The following DIDO1 variants were observed in gnomAD, a reference collection of about 807,000 sequenced individuals.
DIDO1 encodes the protein death-inducer obliterator 1.
Under a neutral mutation model 99.4 loss-of-function variants are expected in DIDO1, and 16 were observed. The ratio of observed to expected loss-of-function variants is 0.16; its 90% CI spans 0.11 to 0.24. DIDO1 has a LOEUF of 0.24. Among genes scored for constraint, DIDO1 ranks in the 10% least tolerant of loss-of-function variants. The pLI is 1.00. For missense variants in DIDO1, 2,996 were observed against 3,014.0 expected (o/e 0.99, Z 0.14); for synonymous variants, 1,366 against 1,239.1 (o/e 1.10, Z -2.15).
At chr20:62,884,690 G>C (rs559712300) in intron 15 of DIDO1, among the ~76,000 whole-genome samples, 273 of 152,348 alleles carry the variant, frequency 1.8e-3, no homozygotes, top group African/African-American at 6.3e-3. Context: ...CTGCCAGACT[G>C]AGTTGGGACC....
rs1364512764 is a variant in DIDO1 at position 62,910,793 on chromosome 20, G to A, written c.820C>T (p.Arg274Cys). 9.3e-6 allele frequency: 15 copies of A among 1,611,344 alleles called. No homozygotes were observed. Among genetic ancestry groups the A allele is most frequent in the South Asian group, 2.2e-5 (2 of 91,050 alleles). Residue 274 changes from arginine to cysteine, a missense_variant, in exon 3 of 16, where the codon CGC becomes TGC. Physicochemically the swap from Arg to Cys is radical, Grantham distance 180 (BLOSUM62 -3). This residue lies in a region of DIDO1 where 13 missense variants were observed against 49.9 expected (regional missense o/e 0.26). Coordinates refer to ENST00000395343, the MANE Select transcript of DIDO1 (RefSeq NM_001193369.2). ...ACCCACCTGTTGTTGTGAGGCTGGC[G>A]GCAAATGCAATACAGGGCGTTGGGG... is the stretch of plus-strand genomic sequence containing the variant. ...YDPNALYCIC[R>C]QPHNNRFMIC... is the part of the protein sequence containing the mutation.
At chr20:62,885,051 C>A (rs145124775) in intron 15 of DIDO1, among the ~76,000 whole-genome samples, 265 of 152,352 alleles carry the variant, frequency 1.7e-3, no homozygotes, top group Middle Eastern at 0.017. Context: ...TTACTCAAAT[C>A]CACTTTTCGG....
At chr20:62,890,925 T>C (rs948394220) in intron 15 of DIDO1, 35 bp downstream of exon 15, 2 of 1,612,450 alleles carry the variant, frequency 1.2e-6, no homozygotes, top group African/African-American at 2.7e-5. Flanking sequence ...CAGGTGCAGG[T>C]GGGCCTCACC....
chr20:62,920,897 TTTTAC>T (rs778306319), intron 1 of DIDO1, among the ~76,000 whole-genome samples: 12 of 152,190 alleles, frequency 7.9e-5, no homozygotes, highest in Non-Finnish European at 1.8e-4. Context: ...TGGTTTACAA[TTTTAC>T]TTTATTTATT....
At position 62,904,780 on chromosome 20, in the gene DIDO1, CAAAAAAAAAAA is replaced by C. The variant is rs58039393; in HGVS notation, c.1588+1096_1588+1106del. 1.9e-3 allele frequency among the ~76,000 whole-genome samples: 118 copies of C among 62,618 alleles called. 5 individuals are homozygous for C. The South Asian group carries it at 0.047, about 25-fold the overall frequency. 41.1% of individuals were successfully genotyped at this position (62,618 alleles called of 152,430 possible). A position where few individuals can be genotyped will look rare whatever the true frequency, so the allele number is the denominator to read the frequency against. On this transcript the variant is annotated intron_variant, in intron 6 of 15. Transcript: ENST00000395343. ...GGGTGACAGAGCAAGACTCTTGTCT[CAAAAAAAAAAA>C]AAAAAAAAAAAAAAAAGTGTCTTTT...
chr20:62,880,672 C>A lies in DIDO1; in HGVS notation c.5284G>T (p.Gly1762Trp), dbSNP rs2064184900. 1 of 1,612,796 alleles carries A rather than the reference C, an allele frequency of 6.2e-7. No individual in the cohort carries two copies. The highest frequency in any genetic ancestry group is 8.5e-7 in the Non-Finnish European group (1 of 1,179,952). The change falls in exon 16 of 16, where the codon GGG (glycine) becomes TGG (tryptophan). Residue 1762 changes from glycine to tryptophan, a missense_variant. Physicochemically the swap from Gly to Trp is radical, Grantham distance 184. Around this residue, in one of 5 missense-constraint regions of DIDO1, gnomAD observed 1,562 missense variants for 1,412.6 expected, o/e 1.11. Coordinates refer to ENST00000395343, the MANE Select transcript of DIDO1 (RefSeq NM_001193369.2). ...GQREPGPHAL[G>W]MSGLHGPNFP... is the part of the protein sequence containing the mutation. ...TTGGGGCCGTGAAGCCCTGACATCC[C>A]CAAAGCATGAGGTCCAGGTTCCCGC... is the stretch of plus-strand genomic sequence containing the variant.
intron 8 of DIDO1, among the ~76,000 whole-genome samples, chr20:62,895,991 A>C (rs914141079): frequency 6.6e-6 from 1 of 152,204 alleles, no homozygotes; most frequent in Non-Finnish European, 1.5e-5. Context: ...TGTGGTGATA[A>C]AAGGTGGACT....
rs1267463648 is a variant in DIDO1, at chr20:62,882,308, G to A, written c.3648C>T (p.Thr1216=). The A allele has an allele frequency of 3.7e-6, 6 of 1,613,858 alleles. No homozygotes were observed. The highest frequency in any genetic ancestry group is 5.1e-6 in the Non-Finnish European group (6 of 1,180,012). Residue 1216 remains threonine, a synonymous_variant, in exon 16 of 16, where the codon ACC becomes ACT. Coordinates refer to ENST00000395343, the MANE Select transcript of DIDO1 (RefSeq NM_001193369.2). The stretch of plus-strand genomic sequence containing the variant: ...CGTCCGCTTCTTCCGGTTGAAGTCG[G>A]GTCCGCTTTTCGTCCATCTTGTCTA... ...GELDKMDEKR[T]RLQPEEADVP... is the part of the protein sequence containing the mutation.
chr20:62,910,032 AAAT>A lies in DIDO1; in HGVS notation c.840-15_840-13del, dbSNP rs779131707. Reference sequence around the variant, plus strand: ...AGCAAATCATAAACCTGAAATTATAAAATAACGGTATTAGCAATGGGACGTGAG... The same window carrying A: ...AGCAAATCATAAACCTGAAATTATAAAACGGTATTAGCAATGGGACGTGAG... On this transcript the variant is annotated splice_polypyrimidine_tract_variant and intron_variant, in intron 3 of 15. Coordinates refer to ENST00000395343, the MANE Select transcript of DIDO1 (RefSeq NM_001193369.2). The A allele has an allele frequency of 6.3e-7, 1 of 1,598,278 alleles. No individual in the cohort carries two copies. The highest frequency in any genetic ancestry group is 1.1e-5 in the South Asian group (1 of 90,990).
rs2064477800 is a variant in DIDO1 at position 62,894,710 on chromosome 20, G to T, written c.2436+100C>A. 8 of 1,416,146 alleles carry T rather than the reference G, an allele frequency of 5.6e-6. No individual in the cohort carries two copies. In the South Asian group the frequency reaches 7.7e-5, roughly 14 times the overall value. 87.7% of individuals were successfully genotyped at this position (1,416,146 alleles called of 1,614,324 possible). A position where few individuals can be genotyped will look rare whatever the true frequency, so the allele number is the denominator to read the frequency against. On this transcript the variant is annotated intron_variant, in intron 10 of 15. Transcript: ENST00000395343. This position sits in a 1 kb window ranked among gnomAD's most constrained non-coding sequence, Gnocchi z 4.4. ...AGGAATGCCACAATGACATACACCT[G>T]CTGTAAGCTCAGGTCCTGCCCAATA...
At position 62,907,231 on chromosome 20, in the gene DIDO1, G is replaced by A. The variant is rs752170122; in HGVS notation, c.1290C>T (p.Ser430=). ...KHAAATMKFL[S]SGKEQKPKPK... is the part of the protein sequence containing the mutation. ...GCTTTGGCTTCTGTTCTTTACCTGA[G>A]CTTAGAAACTTCATTGTCGCTGCGG... Residue 430 remains serine, a synonymous_variant, in exon 5 of 16, where the codon AGC becomes AGT. Transcript: ENST00000395343. 10 of 1,614,224 alleles carry A rather than the reference G, an allele frequency of 6.2e-6. No individual in the cohort carries two copies. The East Asian group carries it at 2.2e-4, about 36-fold the overall frequency.
rs369871111 is a variant in DIDO1, at chr20:62,879,470, C to T, written c.6486G>A (p.Glu2162=). The T allele has an allele frequency of 1.4e-5, 22 of 1,574,024 alleles. No individual in the cohort carries two copies. In the African/African-American group the frequency reaches 2.9e-4, roughly 20 times the overall value. The change falls in exon 16 of 16, where the codon GAG becomes GAA. Residue 2162 remains glutamate (E), a synonymous_variant. Transcript: ENST00000395343. The surrounding 1 kb of genome is among the most constrained non-coding windows in gnomAD (Gnocchi z 6.3). ...ERSANRDRER[E]ADRGKEWDRS... is the part of the protein sequence containing the mutation. ...GGTCCCACTCCTTGCCCCGGTCGGC[C>T]TCGCGCTCTCGGTCGCGGTTGGCGC...
At chr20:62,905,606 G>C (rs918192273) in intron 6 of DIDO1, 7 of 1,551,918 alleles carry the variant, frequency 4.5e-6, no homozygotes, top group Non-Finnish European at 6.1e-6. Flanking sequence ...CAGAGCCTGA[G>C]AGTGAAAACA....
intron 15 of DIDO1, chr20:62,887,235 G>T (rs1299703270): frequency 1.0e-6 from 1 of 985,350 alleles, no homozygotes; most frequent in African/African-American, 1.7e-5. Flanking sequence ...GATGTTTATT[G>T]ATTTAGGAGG....
At position 62,891,685 on chromosome 20, in the gene DIDO1, T is replaced by G. The variant is rs1009898881; in HGVS notation, c.3345+302A>C. Reference sequence around the variant, plus strand: ...TTTCTTCCTAAAATTTAACCGCACATACATTATAATAAATCAGAAACAAAC... The same window carrying G: ...TTTCTTCCTAAAATTTAACCGCACAGACATTATAATAAATCAGAAACAAAC... On this transcript the variant is annotated intron_variant, in intron 14 of 15. Coordinates refer to ENST00000395343, the MANE Select transcript of DIDO1 (RefSeq NM_001193369.2). Among the ~76,000 whole-genome samples the G allele has an allele frequency of 2.0e-5, 3 of 151,920 alleles. No individual in the cohort carries two copies. The South Asian group carries it at 6.2e-4, about 32-fold the overall frequency.
rs1279695803 is a variant in DIDO1 at position 62,879,949 on chromosome 20, C to G, written c.6007G>C (p.Glu2003Gln). Residue 2003 changes from glutamate to glutamine, a missense_variant, in exon 16 of 16, where the codon GAG becomes CAG. Glu to Gln is a conservative substitution (Grantham distance 29, BLOSUM62 2). Coordinates refer to ENST00000395343, the MANE Select transcript of DIDO1 (RefSeq NM_001193369.2). This position sits in a 1 kb window ranked among gnomAD's most constrained non-coding sequence, Gnocchi z 6.3. Reference protein sequence around the residue: ...RGSAPFSEKNEQTPSRFHFQG... With the variant: ...RGSAPFSEKNQQTPSRFHFQG... Reference sequence around the variant, plus strand: ...AAGTGAAATCGCGAAGGGGTCTGCTCATTTTTTTCAGAAAAGGGTGCGGAC... The same window carrying G: ...AAGTGAAATCGCGAAGGGGTCTGCTGATTTTTTTCAGAAAAGGGTGCGGAC... The G allele has an allele frequency of 1.2e-6, 2 of 1,605,424 alleles. No homozygotes were observed. Among genetic ancestry groups the G allele is most frequent in the Non-Finnish European group, 1.7e-6 (2 of 1,177,412 alleles).
In DIDO1 at chr20:62,893,856, C is replaced by A. The variant is rs200551983; in HGVS notation, c.2911G>T (p.Ala971Ser). 112 of 1,613,624 alleles carry A rather than the reference C, an allele frequency of 6.9e-5. No individual in the cohort carries two copies. The highest frequency in any genetic ancestry group is 8.1e-5 in the Non-Finnish European group (95 of 1,179,920). Residue 971 changes from alanine to serine, a missense_variant, in exon 12 of 16, where the codon GCT (alanine) becomes TCT (serine). Ala to Ser is a moderately conservative substitution (Grantham distance 99). Transcript: ENST00000395343. ...ACGGCTGTGCATGAACTGCTTGGAG[C>A]GGTCCTGGGGTCCCGGCCGGACACT... Reference protein sequence around the residue: ...VTVSGRDPRTAPSSSCTAVAS... With the variant: ...VTVSGRDPRTSPSSSCTAVAS...
intron 6 of DIDO1, among the ~76,000 whole-genome samples, chr20:62,898,234 T>C (rs2064581329): frequency 6.6e-6 from 1 of 152,192 alleles, no homozygotes; most frequent in Admixed American, 6.5e-5. Flanking sequence ...AAATAAGGCC[T>C]GATTCAACAG....
rs377614435 is a variant in DIDO1, at chr20:62,881,539, C to G, written c.4417G>C (p.Val1473Leu). Reference protein sequence around the residue: ...PVAGAATPSLVEQQKMLEELN... With the variant: ...PVAGAATPSLLEQQKMLEELN... Reference sequence around the variant, plus strand: ...TCTTCTAGCATCTTCTGTTGCTCCACCAGGGAGGGCGTCGCAGCCCCGGCC... The same window carrying G: ...TCTTCTAGCATCTTCTGTTGCTCCAGCAGGGAGGGCGTCGCAGCCCCGGCC... Residue 1473 changes from valine to leucine, a missense_variant, in exon 16 of 16, where the codon GTG becomes CTG. Physicochemically the swap from Val to Leu is conservative, Grantham distance 32. This residue lies in a region of DIDO1 where 1,562 missense variants were observed against 1,412.6 expected (regional missense o/e 1.11). Coordinates refer to ENST00000395343, the MANE Select transcript of DIDO1 (RefSeq NM_001193369.2). This position sits in a 1 kb window ranked among gnomAD's most constrained non-coding sequence, Gnocchi z 8.3. 4.3e-6 allele frequency: 7 copies of G among 1,611,620 alleles called. No homozygotes were observed. The African/African-American group carries it at 8.0e-5, about 18-fold the overall frequency.
Sources: gnomAD v4.1 joint callset for allele counts (sites outside exome capture counted in the v4.1 genomes callset) on GRCh38, gnomAD v4.1.1 for gene constraint, gnomAD v4.1.1 regional missense constraint, Gnocchi (gnomAD v3.1) non-coding constraint, MANE v1.5 for transcripts, NCBI Gene and HGNC (gene_info 2026-07-23, HGNC 2026-07-21) for gene names.